The following CEP131 variants were observed in gnomAD, a reference collection of about 807,000 sequenced individuals.
CEP131 encodes the protein centrosomal protein of 131 kDa.
In CEP131, 99 loss-of-function variants were observed where a neutral mutation model predicts 136.8. The ratio of observed to expected loss-of-function variants is 0.72; its 90% CI spans 0.62 to 0.86. The LOEUF is 0.86. Ranked by LOEUF, CEP131 falls within the 40% of genes least tolerant of loss-of-function variation. CEP131 has a pLI of 0.00. For missense variants in CEP131, 1,459 were observed against 1,463.0 expected (o/e 1.00, Z 0.04); for synonymous variants, 646 against 612.7 (o/e 1.05, Z -0.80).
chr17:81,212,854 A>G (rs1401262801), intron 2 of CEP131, among the ~76,000 whole-genome samples: 1 of 152,212 alleles, frequency 6.6e-6, no homozygotes, highest in Non-Finnish European at 1.5e-5. Flanking sequence ...TACTATCTAT[A>G]GACAGTGTGT....
chr17:81,206,608 CCATTCTTTCACTCACTCACT>C lies in CEP131; in HGVS notation c.515+116_515+135del. Reference sequence around the variant, plus strand: ...CTGCCTATGCCCTTGGGAATGAAAGCCATTCTTTCACTCACTCACTCATTCATTCATTCCAAAGCACCCTG... The same window carrying C: ...CTGCCTATGCCCTTGGGAATGAAAGCCATTCATTCATTCCAAAGCACCCTG... On this transcript the variant is annotated intron_variant, in intron 5 of 25. Coordinates refer to ENST00000450824, the MANE Select transcript of CEP131 (RefSeq NM_014984.4). 1.6e-5 allele frequency: 20 copies of C among 1,263,246 alleles called. No individual in the cohort carries two copies. The South Asian group carries it at 2.8e-4, about 18-fold the overall frequency. The allele number at this position is 1,263,246 out of a possible 1,614,324, so 78.3% of individuals were successfully genotyped here.
At position 81,215,868 on chromosome 17, in the gene CEP131, C is replaced by A. The variant is rs1370818211; in HGVS notation, c.177+4012G>T. On this transcript the variant is annotated intron_variant, in intron 2 of 25. Coordinates refer to ENST00000450824, the MANE Select transcript of CEP131 (RefSeq NM_014984.4). This position sits in a 1 kb window ranked among gnomAD's most constrained non-coding sequence, Gnocchi z 4.1. Reference sequence around the variant, plus strand: ...ATGATAAGGAAAATCCAGAGGAGCACTGGGTGAAGTTCTGGTGCATCATCT... The same window carrying A: ...ATGATAAGGAAAATCCAGAGGAGCAATGGGTGAAGTTCTGGTGCATCATCT... Among the ~76,000 whole-genome samples, 3 of 152,150 alleles carry A rather than the reference C, an allele frequency of 2.0e-5. No individual in the cohort carries two copies. Among genetic ancestry groups the A allele is most frequent in the Non-Finnish European group, 4.4e-5 (3 of 68,034 alleles).
intron 2 of CEP131, among the ~76,000 whole-genome samples, chr17:81,216,712 A>G (rs915743106): frequency 3.9e-5 from 6 of 152,220 alleles, no homozygotes; most frequent in African/African-American, 1.4e-4. Context: ...TCACTGCTCA[A>G]TGAGCCCCCT....
At position 81,222,447 on chromosome 17, in the gene CEP131, T is replaced by C. The variant is rs559116046; in HGVS notation, c.-18+322A>G. ...CCAGAGATGCCGGGACTGGACTCCA[T>C]GTTGTCCTGGGGACCGGAGGGGAGT... On this transcript the variant is annotated intron_variant, in intron 1 of 25. Transcript: ENST00000450824. Among the ~76,000 whole-genome samples the C allele has an allele frequency of 1.7e-4, 26 of 152,146 alleles. No homozygotes were observed. The South Asian group carries it at 5.2e-3, about 30-fold the overall frequency.
intron 3 of CEP131, 113 bp from the exon 4 acceptor site, chr17:81,207,352 C>T: frequency 1.1e-6 from 1 of 887,866 alleles, no homozygotes; most frequent in Non-Finnish European, 1.7e-6. Flanking sequence ...GCACTAGCAG[C>T]AACTCTGTTT....
chr17:81,194,287 A>T (rs538379344), intron 17 of CEP131, among the ~76,000 whole-genome samples, 160 bp from the exon 18 acceptor site: 7 of 152,218 alleles, frequency 4.6e-5, no homozygotes, highest in African/African-American at 1.7e-4. Flanking sequence ...GACGCCCACG[A>T]GGTGGGGAAG....
intron 18 of CEP131, among the ~76,000 whole-genome samples, chr17:81,193,079 C>G (rs2061679136): frequency 6.6e-6 from 1 of 152,242 alleles, no homozygotes; most frequent in Non-Finnish European, 1.5e-5. Flanking sequence ...TCCAGGCCCT[C>G]GTGGCACTTT....
chr17:81,197,514 G>C, intron 13 of CEP131, 198 bp downstream of exon 13: 4 of 786,414 alleles, frequency 5.1e-6, no homozygotes, highest in African/African-American at 3.7e-5. Context: ...AGAGACCCGT[G>C]GGGGGTGCTG....
At position 81,194,937 on chromosome 17, in the gene CEP131, G is replaced by C; in HGVS notation, c.2052C>G (p.Thr684=). 6.2e-7 allele frequency: 1 copy of C among 1,612,950 alleles called. No individual in the cohort carries two copies. Among genetic ancestry groups the C allele is most frequent in the Non-Finnish European group, 8.5e-7 (1 of 1,179,944 alleles). ...TCCACTTCTCCCGGCGGGCTTTCTCGGTGGCGCTCATTAATTCTTTGAGTT... is the reference window on the plus strand; with the variant it reads ...TCCACTTCTCCCGGCGGGCTTTCTCCGTGGCGCTCATTAATTCTTTGAGTT... ...IKKLKELMSA[T]EKARREKWIS... Residue 684 remains threonine, a synonymous_variant, in exon 17 of 26, where the codon ACC becomes ACG. Coordinates refer to ENST00000450824, the MANE Select transcript of CEP131 (RefSeq NM_014984.4).
chr17:81,209,060 G>C (rs1483783196), intron 2 of CEP131, 38 bp from the exon 3 acceptor site: 1 of 1,460,930 alleles, frequency 6.8e-7, no homozygotes. Flanking sequence ...ATGCAGCAAA[G>C]GCTCACTCAC....
At chr17:81,221,834 C>T (rs985782323) in intron 1 of CEP131, among the ~76,000 whole-genome samples, 1 of 152,202 alleles carries the variant, frequency 6.6e-6, no homozygotes, top group Non-Finnish European at 1.5e-5. Context: ...CGAGAATTAC[C>T]TCCCTGCCAC....
intron 13 of CEP131, 197 bp from the exon 14 acceptor site, chr17:81,197,252 G>A (rs2061780320): frequency 6.1e-6 from 4 of 659,690 alleles, no homozygotes; most frequent in Non-Finnish European, 7.5e-6. Context: ...AATGGGGGCC[G>A]TGGCCTCAGG....
rs1255168421 is a variant in CEP131 at position 81,198,160 on chromosome 17, G to A, written c.1425C>T (p.Pro475=). The A allele has an allele frequency of 6.3e-7, 1 of 1,575,698 alleles. No individual in the cohort carries two copies. Among genetic ancestry groups the A allele is most frequent in the African/African-American group, 1.3e-5 (1 of 74,122 alleles). ...TGCCCCTGTGATGGGTCCTGGGGCG[G>A]GGCAGCACGTCCGGCTCCTTCTCCA... ...QLLEKEPDVL[P]RPRTHHRGRY... The change falls in exon 12 of 26, where the codon CCC becomes CCT. Residue 475 remains proline, a synonymous_variant. Coordinates refer to ENST00000450824, the MANE Select transcript of CEP131 (RefSeq NM_014984.4).
intron 2 of CEP131, among the ~76,000 whole-genome samples, chr17:81,212,908 G>A (rs1258602030): frequency 6.6e-6 from 1 of 152,172 alleles, no homozygotes; most frequent in Non-Finnish European, 1.5e-5. Flanking sequence ...TCCTTGCTCT[G>A]TTGGCTGAGA....
chr17:81,192,670 G>A lies in CEP131; in HGVS notation c.2429+66C>T. On this transcript the variant is annotated intron_variant, in intron 19 of 25. Transcript: ENST00000450824. ...GGATGGGAGAGGTCAGCGGGTGAGG[G>A]GGCGGGGGGGAGGGGTCAGCCAGCG... is the stretch of plus-strand genomic sequence containing the variant. The A allele has an allele frequency of 3.7e-6, 5 of 1,353,420 alleles. No homozygotes were observed. The South Asian group carries it at 6.4e-5, about 17-fold the overall frequency. 83.8% of individuals were successfully genotyped at this position (1,353,420 alleles called of 1,614,324 possible). A position where few individuals can be genotyped will look rare whatever the true frequency, so the allele number is the denominator to read the frequency against.
rs746495753 is a variant in CEP131, at chr17:81,202,413, G to A, written c.630-15C>T. On this transcript the variant is annotated splice_polypyrimidine_tract_variant and intron_variant, in intron 6 of 25. Transcript: ENST00000450824. ...TGATGATGTTGCTGACAGGTAAGAAGAAAACACCCTCGTCTCACCGCCCAG... is the reference window on the plus strand; with the variant it reads ...TGATGATGTTGCTGACAGGTAAGAAAAAAACACCCTCGTCTCACCGCCCAG... The A allele has an allele frequency of 1.9e-6, 3 of 1,610,988 alleles. No individual in the cohort carries two copies. Among genetic ancestry groups the A allele is most frequent in the Non-Finnish European group, 2.5e-6 (3 of 1,179,306 alleles).
rs550245730 is a variant in CEP131 at position 81,194,118 on chromosome 17, G to A, written c.2129C>T (p.Pro710Leu). The A allele has an allele frequency of 3.1e-5, 47 of 1,536,236 alleles. No homozygotes were observed. In the East Asian group the frequency reaches 1.0e-3, roughly 33 times the overall value. The change falls in exon 18 of 26, where the codon CCC (proline) becomes CTC (leucine). Residue 710 changes from proline to leucine, a missense_variant. Pro to Leu is a moderately conservative substitution (Grantham distance 98). Transcript: ENST00000450824. ...IKEVTVRGLE[P>L]EIQKLIARHK... ...CCTTGCAATCAGCTTCTGGATCTCG[G>A]GCTCCAGACCTGGGGGCGGGGCACC...
In CEP131 at chr17:81,203,406, T is replaced by G. The variant is rs2061937273; in HGVS notation, c.629+88A>C. 2 of 1,091,184 alleles carry G rather than the reference T, an allele frequency of 1.8e-6. No individual in the cohort carries two copies. The highest frequency in any genetic ancestry group is 2.7e-6 in the Non-Finnish European group (2 of 749,878). 67.6% of individuals were successfully genotyped at this position (1,091,184 alleles called of 1,614,324 possible). On this transcript the variant is annotated intron_variant, in intron 6 of 25. Transcript: ENST00000450824. This position sits in a 1 kb window ranked among gnomAD's most constrained non-coding sequence, Gnocchi z 4.6. ...CCCTGTGTGAACTGACCGCGTGCCC[T>G]GACCGAGGTCGGACCCCAGGTGCAC...
chr17:81,189,751 T>G lies in CEP131; in HGVS notation c.*18A>C. ...TCCTCTGCCTTCCGTTCTTCGACAG[T>G]GTTCCCGGCATCCCTGGTCACTTGG... On this transcript the variant is annotated 3_prime_UTR_variant, in exon 26 of 26. Coordinates refer to ENST00000450824, the MANE Select transcript of CEP131 (RefSeq NM_014984.4). 1 of 1,582,916 alleles carries G rather than the reference T, an allele frequency of 6.3e-7. No individual in the cohort carries two copies. Among genetic ancestry groups the G allele is most frequent in the Non-Finnish European group, 8.6e-7 (1 of 1,161,366 alleles).
Sources: allele counts gnomAD v4.1 joint callset (sites outside exome capture counted in the v4.1 genomes callset), GRCh38; gene constraint gnomAD v4.1.1; non-coding constraint Gnocchi (gnomAD v3.1); transcripts MANE v1.5; gene names NCBI Gene and HGNC (gene_info 2026-07-23, HGNC 2026-07-21).